Variants in DLEU7 observed in about 807,000 individuals in gnomAD.
The protein encoded by DLEU7 is deleted in lymphocytic leukemia 7, also known as leukemia-associated protein 7.
DLEU7 carries 17 observed loss-of-function variants against 16.0 expected under a neutral mutation model. That is an observed-to-expected ratio of 1.06 (90% confidence interval 0.73 to 1.59). DLEU7 has a LOEUF of 1.59. Ranked by LOEUF, DLEU7 falls within the 40% of genes most tolerant of loss-of-function variation. DLEU7 has a pLI of 0.00. For missense variants in DLEU7, 308 were observed against 314.9 expected (o/e 0.98, Z 0.17); for synonymous variants, 113 against 139.8 (o/e 0.81, Z 1.35).
chr13:50,745,107 G>A (rs1478911278), intron 1 of DLEU7, among the ~76,000 whole-genome samples: 1 of 152,136 alleles, frequency 6.6e-6, no homozygotes, highest in Non-Finnish European at 1.5e-5. Flanking sequence ...CTCTACAGAT[G>A]CTTGTACACC....
At chr13:50,806,643 C>A (rs556958103) in intron 1 of DLEU7, among the ~76,000 whole-genome samples, 2 of 152,054 alleles carry the variant, frequency 1.3e-5, no homozygotes, top group South Asian at 4.1e-4. Context: ...AAAATAGGAG[C>A]AATCTCAACT....
chr13:50,793,330 C>T (rs1876020078), intron 1 of DLEU7, among the ~76,000 whole-genome samples: 1 of 152,058 alleles, frequency 6.6e-6, no homozygotes, highest in South Asian at 2.1e-4. Flanking sequence ...GTGAATAGTG[C>T]TGCAGTGAAC....
intron 1 of DLEU7, among the ~76,000 whole-genome samples, chr13:50,789,225 C>T (rs192102716): frequency 4.0e-5 from 6 of 150,902 alleles, no homozygotes; most frequent in Non-Finnish European, 5.9e-5. Flanking sequence ...CAGGAAAGGA[C>T]GCGTGGGACA....
At chr13:50,724,709 A>G (rs1186710993) in intron 1 of DLEU7, among the ~76,000 whole-genome samples, 1 of 152,184 alleles carries the variant, frequency 6.6e-6, no homozygotes, top group Admixed American at 6.5e-5. Context: ...TCCAAATCCT[A>G]TAGCGCATGC....
intron 1 of DLEU7, among the ~76,000 whole-genome samples, chr13:50,839,110 C>T (rs1352563525): frequency 6.6e-6 from 1 of 152,232 alleles, no homozygotes; most frequent in Non-Finnish European, 1.5e-5. Flanking sequence ...ACAGCATGTA[C>T]AACTACGGCC....
chr13:50,753,787 T>C (rs2137737310), intron 1 of DLEU7, among the ~76,000 whole-genome samples: 1 of 152,322 alleles, frequency 6.6e-6, no homozygotes, highest in East Asian at 1.9e-4. Flanking sequence ...GCTCCTCAAG[T>C]GCCGCCAAAG....
At chr13:50,748,532 G>A (rs1424376633) in intron 1 of DLEU7, among the ~76,000 whole-genome samples, 1 of 152,026 alleles carries the variant, frequency 6.6e-6, no homozygotes, top group Non-Finnish European at 1.5e-5. Flanking sequence ...TATGGCTTTT[G>A]GAACAAATAA....
intron 1 of DLEU7, among the ~76,000 whole-genome samples, chr13:50,754,322 A>G (rs945440636): frequency 1.3e-5 from 2 of 152,084 alleles, no homozygotes; most frequent in Non-Finnish European, 2.9e-5. Context: ...TCTTAGGTCT[A>G]TTAGTAATTG....
chr13:50,749,794 T>C (rs1566237804), intron 1 of DLEU7, among the ~76,000 whole-genome samples: 1 of 152,206 alleles, frequency 6.6e-6, no homozygotes, highest in Non-Finnish European at 1.5e-5. Context: ...ATTGTTTGTT[T>C]TATTTCTTAC....
At chr13:50,797,608 G>T (rs1380056026) in intron 1 of DLEU7, among the ~76,000 whole-genome samples, 1 of 152,118 alleles carries the variant, frequency 6.6e-6, no homozygotes, top group Non-Finnish European at 1.5e-5. Flanking sequence ...GAACTCAATG[G>T]CAATTGTTTA....
chr13:50,726,678 G>T lies in DLEU7; in HGVS notation c.460-13438C>A, dbSNP rs1284889308. Among the ~76,000 whole-genome samples the T allele has an allele frequency of 2.0e-5, 3 of 152,100 alleles. No homozygotes were observed. Among genetic ancestry groups the T allele is most frequent in the Non-Finnish European group, 4.4e-5 (3 of 68,022 alleles). On this transcript the variant is annotated intron_variant, in intron 1 of 1. Transcript: ENST00000400393. The surrounding 1 kb of genome is among the most constrained non-coding windows in gnomAD (Gnocchi z 4.0). ...ATCGTTCTAAGAGCCCACTGGCTAT[G>T]CCTTTTATTTCTCCAGGCATGGGTG...
chr13:50,729,014 A>G (rs1039888930), intron 1 of DLEU7, among the ~76,000 whole-genome samples: 6 of 151,886 alleles, frequency 4.0e-5, no homozygotes, highest in Non-Finnish European at 7.4e-5. Context: ...TCTATCAGAT[A>G]TATTTATTTA....
intron 1 of DLEU7, among the ~76,000 whole-genome samples, chr13:50,797,111 A>G (rs1876128574): frequency 6.6e-6 from 1 of 152,184 alleles, no homozygotes; most frequent in Non-Finnish European, 1.5e-5. Context: ...CCGAACGTGG[A>G]GTACATTGGA....
intron 1 of DLEU7, among the ~76,000 whole-genome samples, chr13:50,788,449 G>A (rs115567372): frequency 0.01 from 1,535 of 152,292 alleles, 35 homozygotes; most frequent in South Asian, 0.056. Context: ...AAAGGTTGAA[G>A]TCAAAAGAAC....
chr13:50,820,971 C>T (rs1876886809), downstream of DLEU7, among the ~76,000 whole-genome samples: 1 of 151,994 alleles, frequency 6.6e-6, no homozygotes, highest in South Asian at 2.1e-4. Context: ...ACATTTTCAG[C>T]ACATCTCAAT....
chr13:50,795,262 A>G (rs981099295), intron 1 of DLEU7, among the ~76,000 whole-genome samples: 4 of 152,188 alleles, frequency 2.6e-5, no homozygotes, highest in Admixed American at 6.6e-5. Context: ...CTTGGGCTCC[A>G]GTGGCCTCCT....
chr13:50,834,469 A>T (rs1442801053), intron 1 of DLEU7, among the ~76,000 whole-genome samples: 1 of 152,226 alleles, frequency 6.6e-6, no homozygotes, highest in Admixed American at 6.5e-5. Context: ...CATTAGAGAA[A>T]CGCAAATCAA....
At chr13:50,724,452 G>C (rs1013886878) in intron 1 of DLEU7, among the ~76,000 whole-genome samples, 6 of 152,082 alleles carry the variant, frequency 3.9e-5, no homozygotes, top group Non-Finnish European at 2.9e-5. Flanking sequence ...CTGTGGGAGG[G>C]TTGATGGAAG....
chr13:50,738,134 G>T (rs1241179349), intron 1 of DLEU7, among the ~76,000 whole-genome samples: 4 of 152,142 alleles, frequency 2.6e-5, no homozygotes, highest in African/African-American at 9.7e-5. Flanking sequence ...TTCTGTAAAG[G>T]CTAAGAAAGC....
Sources: allele counts gnomAD v4.1 joint callset (sites outside exome capture counted in the v4.1 genomes callset), GRCh38; gene constraint gnomAD v4.1.1; non-coding constraint Gnocchi (gnomAD v3.1); transcripts MANE v1.5; gene names NCBI Gene and HGNC (gene_info 2026-07-23, HGNC 2026-07-21).